Variants in HMCN1 observed in about 807,000 individuals in gnomAD.
HMCN1 encodes the protein hemicentin-1.
Under a neutral mutation model 625.9 loss-of-function variants are expected in HMCN1, and 321 were observed. The observed-to-expected ratio is 0.51, with a 90% CI of 0.47 to 0.56. The LOEUF is 0.56. HMCN1 is among the 20% of genes least tolerant of loss of function. The pLI is 0.00. For synonymous variants in HMCN1, 2,425 were observed against 2,417.6 expected (o/e 1.00, Z -0.09); for missense variants, 6,588 against 6,887.3 (o/e 0.96, Z 1.54).
chr1:186,188,828 TA>T (rs1439470141), intron 106 of HMCN1, among the ~76,000 whole-genome samples: 1 of 152,152 alleles, frequency 6.6e-6, no homozygotes, highest in Non-Finnish European at 1.5e-5. Context: ...AATACAGACT[TA>T]ACAAAACCTC....
chr1:185,987,617 G>C, intron 20 of HMCN1, 73 bp downstream of exon 20: 1 of 1,030,664 alleles, frequency 9.7e-7, no homozygotes, highest in South Asian at 1.3e-5. Context: ...CCCTAGTCTT[G>C]AGCAGGAGGC....
chr1:185,835,121 A>G (rs551780280), intron 1 of HMCN1, among the ~76,000 whole-genome samples: 123 of 152,312 alleles, frequency 8.1e-4, no homozygotes, highest in Non-Finnish European at 1.1e-3. Context: ...AGATCATACA[A>G]CAAAGAAACA....
chr1:186,086,147 C>A, intron 57 of HMCN1, 99 bp from the exon 58 acceptor site: 1 of 1,093,768 alleles, frequency 9.1e-7, no homozygotes, highest in Non-Finnish European at 1.4e-6. Context: ...ATCGTTAACT[C>A]AGTCCTTTAG....
At chr1:185,976,396 T>C (rs2101986287) in intron 15 of HMCN1, among the ~76,000 whole-genome samples, 1 of 152,216 alleles carries the variant, frequency 6.6e-6, no homozygotes, top group South Asian at 2.1e-4. Context: ...GCTGCAAAGT[T>C]GGAGGAGGTT....
At chr1:186,175,894 AAG>A (rs1449548603) in intron 103 of HMCN1, among the ~76,000 whole-genome samples, 177 of 148,240 alleles carry the variant, frequency 1.2e-3, no homozygotes, top group African/African-American at 2.7e-3. Context: ...AAAAAAAAGA[AAG>A]AAAAGAAAAG....
At chr1:186,066,874 A>G (rs1349437156) in intron 49 of HMCN1, among the ~76,000 whole-genome samples, 1 of 152,106 alleles carries the variant, frequency 6.6e-6, no homozygotes, top group African/African-American at 2.4e-5. Flanking sequence ...CAAGTAATAC[A>G]ATTCATTCCC....
chr1:185,858,231 T>C (rs1255238261), intron 2 of HMCN1, among the ~76,000 whole-genome samples: 1 of 152,214 alleles, frequency 6.6e-6, no homozygotes, highest in African/African-American at 2.4e-5. Flanking sequence ...TAGACATTTA[T>C]TGAATTAACA....
intron 54 of HMCN1, 99 bp from the exon 55 acceptor site, chr1:186,078,008 A>C: frequency 1.2e-6 from 1 of 829,278 alleles, no homozygotes; most frequent in East Asian, 2.6e-5. Flanking sequence ...CCTTGAAAGA[A>C]AATGTAAGGC....
chr1:186,011,494 A>G (rs1309546387), intron 30 of HMCN1, among the ~76,000 whole-genome samples: 3 of 152,224 alleles, frequency 2.0e-5, no homozygotes, highest in Admixed American at 2.0e-4. Flanking sequence ...GAATGTTGTT[A>G]TATTATTCTC....
chr1:185,936,853 C>T (rs1003479365), intron 11 of HMCN1, among the ~76,000 whole-genome samples: 3 of 152,248 alleles, frequency 2.0e-5, no homozygotes, highest in Non-Finnish European at 2.9e-5. Flanking sequence ...ATCAGACTCT[C>T]ACTCAGCTGC....
In HMCN1 at chr1:185,828,087, A is replaced by C. The variant is rs77917878; in HGVS notation, c.269-17939A>C. The stretch of plus-strand genomic sequence containing the variant: ...GAAATATCAGGAAATTTTTAGAAGA[A>C]AAGTTAAGCAAGAGGTGTCTAAAAA... On this transcript the variant is annotated intron_variant, in intron 1 of 106. Transcript: ENST00000271588. 7.7e-3 allele frequency among the ~76,000 whole-genome samples: 1,179 copies of C among 152,306 alleles called. 11 individuals carry two copies. Among genetic ancestry groups the C allele is most frequent in the African/African-American group, 0.027 (1,136 of 41,566 alleles).
At chr1:185,908,177 G>A (rs960499403) in intron 4 of HMCN1, among the ~76,000 whole-genome samples, 4 of 151,346 alleles carry the variant, frequency 2.6e-5, no homozygotes, top group Admixed American at 2.0e-4. Context: ...GTTTCATATT[G>A]TTATGTGATA....
chr1:185,826,256 G>A (rs761732188), intron 1 of HMCN1, among the ~76,000 whole-genome samples: 1 of 152,212 alleles, frequency 6.6e-6, no homozygotes, highest in African/African-American at 2.4e-5. Flanking sequence ...TAGAATGTCT[G>A]ATTTGAATGT....
At chr1:185,984,132 C>CT (rs1269694791) in intron 18 of HMCN1, 37 bp from the exon 19 acceptor site, 4 of 1,584,540 alleles carry the variant, frequency 2.5e-6, no homozygotes, top group African/African-American at 2.7e-5. Context: ...CAAATCCTTT[C>CT]TTTTTAAATA....
At chr1:185,990,578 G>A in intron 22 of HMCN1, 135 bp downstream of exon 22, 1 of 740,442 alleles carries the variant, frequency 1.4e-6, no homozygotes, top group Admixed American at 2.0e-5. Context: ...GTACATCTGA[G>A]TCTACAGGAA....
intron 105 of HMCN1, among the ~76,000 whole-genome samples, chr1:186,184,621 C>T (rs1015402092): frequency 1.3e-5 from 2 of 152,016 alleles, no homozygotes; most frequent in Admixed American, 6.6e-5. Context: ...CTTATTCATC[C>T]GTGTTTTAAA....
chr1:185,866,295 A>C (rs1407830656), intron 4 of HMCN1, among the ~76,000 whole-genome samples: 1 of 138,706 alleles, frequency 7.2e-6, no homozygotes, highest in Non-Finnish European at 1.6e-5. Flanking sequence ...ACTATGACTA[A>C]CTAGTAACTA....
chr1:186,086,810 TAGATGATAGATA>T (rs745553784), intron 58 of HMCN1, among the ~76,000 whole-genome samples: 18 of 23,564 alleles, frequency 7.6e-4, no homozygotes, highest in African/African-American at 4.9e-3. Context: ...GATAGATAGA[TAGATGATAGATA>T]GATAGATAGA....
At chr1:185,999,988 A>G in intron 25 of HMCN1, 57 bp from the exon 26 acceptor site, 3 of 1,209,128 alleles carry the variant, frequency 2.5e-6, no homozygotes, top group South Asian at 2.6e-5. Flanking sequence ...TATATTTGAT[A>G]TTTAATAATT....
Sources: allele counts gnomAD v4.1 joint callset (sites outside exome capture counted in the v4.1 genomes callset), GRCh38; gene constraint gnomAD v4.1.1; transcripts MANE v1.5; gene names NCBI Gene and HGNC (gene_info 2026-07-23, HGNC 2026-07-21).